ENOX2: variants seen among roughly 807,000 people sequenced by gnomAD.
ENOX2 encodes the protein APK1 antigen.
Under a neutral mutation model 45.0 loss-of-function variants are expected in ENOX2, and 36 were observed. The observed-to-expected ratio is 0.80, with a 90% CI of 0.61 to 1.06. The LOEUF (loss-of-function observed/expected upper bound fraction) is 1.06. Among genes scored for constraint, ENOX2 ranks in the 50% least tolerant of loss-of-function variants. ENOX2 has a pLI of 0.00. For missense variants in ENOX2, 423 were observed against 462.5 expected (o/e 0.91, Z 0.78); for synonymous variants, 174 against 152.3 (o/e 1.14, Z -1.05).
At chrX:130,647,848 C>T (rs2036280700) in intron 10 of ENOX2, among the ~76,000 whole-genome samples, 1 of 110,477 alleles carries the variant, frequency 9.1e-6, no homozygotes, top group South Asian at 3.9e-4. Context: ...CTACTACTAC[C>T]TCTTATACTC....
intron 3 of ENOX2, among the ~76,000 whole-genome samples, chrX:130,736,905 C>A: frequency 8.9e-6 from 1 of 111,732 alleles, no homozygotes; most frequent in East Asian, 2.8e-4. Context: ...CCACCTTATC[C>A]ACCAAAGTGA....
chrX:130,804,333 T>C (rs780840264), intron 2 of ENOX2, among the ~76,000 whole-genome samples: 1 of 107,441 alleles, frequency 9.3e-6, no homozygotes, highest in Admixed American at 9.7e-5. Flanking sequence ...TCTAAGTCCT[T>C]GTTTATAGGA....
chrX:130,830,907 A>G (rs2077811504), intron 2 of ENOX2, among the ~76,000 whole-genome samples: 1 of 111,558 alleles, frequency 9.0e-6, no homozygotes, highest in African/African-American at 3.3e-5. Flanking sequence ...TTGCTATACC[A>G]GAATAACACA....
At chrX:130,638,163 G>A (rs188568676) in intron 10 of ENOX2, among the ~76,000 whole-genome samples, 7 of 108,189 alleles carry the variant, frequency 6.5e-5, no homozygotes, top group Non-Finnish European at 1.3e-4. Flanking sequence ...CCGCCTCCTG[G>A]GTTCAAGCAA....
At chrX:130,785,249 C>G (rs1259430168) in intron 2 of ENOX2, among the ~76,000 whole-genome samples, 2 of 105,846 alleles carry the variant, frequency 1.9e-5, no homozygotes, top group African/African-American at 3.5e-5. Flanking sequence ...CGCTTGCACC[C>G]GGTAGGCAGA....
At chrX:130,827,336 G>A (rs1023648519) in intron 2 of ENOX2, among the ~76,000 whole-genome samples, 1 of 111,650 alleles carries the variant, frequency 9.0e-6, no homozygotes, top group African/African-American at 3.2e-5. Context: ...CCTCTGACTG[G>A]AATGCTCTTC....
chrX:130,650,606 G>C (rs1013637108), intron 10 of ENOX2, among the ~76,000 whole-genome samples: 4 of 112,146 alleles, frequency 3.6e-5, no homozygotes, highest in Non-Finnish European at 7.5e-5. Flanking sequence ...GAATCCATCA[G>C]TCCTGATACT....
chrX:130,713,077 T>TA (rs2038234795), intron 3 of ENOX2, among the ~76,000 whole-genome samples: 1 of 112,485 alleles, frequency 8.9e-6, no homozygotes, highest in Non-Finnish European at 1.9e-5. Flanking sequence ...AGGCCACAGA[T>TA]ACAGTTAATG....
chrX:130,884,020 C>A (rs1341848690), intron 2 of ENOX2, among the ~76,000 whole-genome samples: 1 of 112,211 alleles, frequency 8.9e-6, no homozygotes, highest in East Asian at 2.8e-4. Context: ...GAGCTTCCAA[C>A]TACGTAGGAC....
intron 3 of ENOX2, among the ~76,000 whole-genome samples, chrX:130,782,056 T>G (rs1361499712): frequency 9.0e-6 from 1 of 111,345 alleles, no homozygotes; most frequent in Non-Finnish European, 1.9e-5. Context: ...CCCTAAATGA[T>G]CAAGCAAAGT....
intron 2 of ENOX2, among the ~76,000 whole-genome samples, chrX:130,807,890 T>C (rs2077331532): frequency 8.9e-6 from 1 of 112,211 alleles, no homozygotes; most frequent in African/African-American, 3.2e-5. Context: ...ATTGATTTCT[T>C]TGTCCGTAAA....
At chrX:130,835,456 C>A (rs2077912960) in intron 2 of ENOX2, among the ~76,000 whole-genome samples, 1 of 111,038 alleles carries the variant, frequency 9.0e-6, no homozygotes, top group Non-Finnish European at 1.9e-5. Context: ...GAATTCAGAT[C>A]TATGTCTGCT....
chrX:130,897,728 A>T (rs1417479995), intron 2 of ENOX2, among the ~76,000 whole-genome samples: 1 of 112,391 alleles, frequency 8.9e-6, no homozygotes, highest in African/African-American at 3.2e-5. Flanking sequence ...TAGAGGAGCA[A>T]GCAGGGAGCT....
intron 2 of ENOX2, among the ~76,000 whole-genome samples, chrX:130,851,481 T>A (rs185118398): frequency 1.9e-4 from 21 of 110,303 alleles, no homozygotes; most frequent in Middle Eastern, 4.7e-3. Flanking sequence ...CTTTTTTTTT[T>A]ATTATACTTT....
intron 3 of ENOX2, among the ~76,000 whole-genome samples, chrX:130,779,056 G>C (rs1412962200): frequency 1.8e-5 from 2 of 112,656 alleles, no homozygotes; most frequent in Admixed American, 9.4e-5. Flanking sequence ...TGAAAGAGTT[G>C]GTATTTCTGC....
At chrX:130,746,266 C>G (rs2039095778) in intron 3 of ENOX2, among the ~76,000 whole-genome samples, 1 of 112,106 alleles carries the variant, frequency 8.9e-6, no homozygotes, top group African/African-American at 3.2e-5. Flanking sequence ...AGACAGGACA[C>G]TCCAGGAACA....
chrX:130,824,899 C>T (rs1407531752), intron 2 of ENOX2, among the ~76,000 whole-genome samples: 1 of 110,659 alleles, frequency 9.0e-6, no homozygotes, highest in South Asian at 3.8e-4. Flanking sequence ...GATGTGGAAC[C>T]CCCATGAACT....
At chrX:130,883,391 G>A (rs769180132) in intron 2 of ENOX2, among the ~76,000 whole-genome samples, 4 of 111,467 alleles carry the variant, frequency 3.6e-5, no homozygotes, top group East Asian at 2.8e-4. Context: ...GATTACAGGC[G>A]TGAGCCACTG....
chrX:130,875,899 A>G (rs745339548), intron 2 of ENOX2, among the ~76,000 whole-genome samples: 3 of 112,461 alleles, frequency 2.7e-5, no homozygotes, highest in African/African-American at 9.7e-5. Context: ...AAACCACAAT[A>G]AGACACCACT....
Sources: gnomAD v4.1 joint callset for allele counts (sites outside exome capture counted in the v4.1 genomes callset) on GRCh38, gnomAD v4.1.1 for gene constraint, MANE v1.5 for transcripts, NCBI Gene and HGNC (gene_info 2026-07-23, HGNC 2026-07-21) for gene names.